Variants in CXCL13 observed in about 807,000 individuals in gnomAD.
The protein encoded by CXCL13 is C-X-C motif chemokine ligand 13.
In CXCL13, 7 loss-of-function variants were observed where a neutral mutation model predicts 12.2. The observed-to-expected ratio is 0.57, with a 90% CI of 0.33 to 1.07. The LOEUF (loss-of-function observed/expected upper bound fraction) is 1.07. Among genes scored for constraint, CXCL13 ranks in the 50% least tolerant of loss-of-function variants. The pLI is 0.04. For missense variants in CXCL13, 113 were observed against 127.4 expected, an observed-to-expected ratio of 0.89 and a Z score of 0.55; for synonymous variants, 47 against 42.4, an observed-to-expected ratio of 1.11 and a Z score of -0.42.
chr4:77,557,600 C>G (rs758740014), intron 1 of CXCL13, among the ~76,000 whole-genome samples: 5 of 152,204 alleles, frequency 3.3e-5, no homozygotes, highest in Non-Finnish European at 7.3e-5. Context: ...TTTGTCCTTG[C>G]ATTAAGATAA....
At chr4:77,539,799 A>T (rs932368697) in intron 1 of CXCL13, among the ~76,000 whole-genome samples, 1 of 152,132 alleles carries the variant, frequency 6.6e-6, no homozygotes, top group Admixed American at 6.6e-5. Context: ...TTTCAGCGAG[A>T]CAGTTAACAA....
At chr4:77,585,096 C>T (rs948713076) in intron 1 of CXCL13, among the ~76,000 whole-genome samples, 1 of 152,150 alleles carries the variant, frequency 6.6e-6, no homozygotes, top group Non-Finnish European at 1.5e-5. Context: ...AAATCACACA[C>T]GTCTGGCCAC....
chr4:77,533,447 G>A (rs1220789416), intron 1 of CXCL13, among the ~76,000 whole-genome samples: 3 of 152,206 alleles, frequency 2.0e-5, no homozygotes, highest in Non-Finnish European at 4.4e-5. Context: ...TGCCCCTACT[G>A]GGAGGTGCCT....
At chr4:77,553,478 A>T (rs766758556) in intron 1 of CXCL13, among the ~76,000 whole-genome samples, 12 of 152,202 alleles carry the variant, frequency 7.9e-5, no homozygotes, top group Non-Finnish European at 1.3e-4. Flanking sequence ...AGCACCTTCA[A>T]GCCTTTCCCC....
At chr4:77,519,099 G>T (rs1724505951) in intron 1 of CXCL13, among the ~76,000 whole-genome samples, 1 of 152,210 alleles carries the variant, frequency 6.6e-6, no homozygotes, top group African/African-American at 2.4e-5. Context: ...GGTGTCTGCA[G>T]AGCAGTGGTT....
At chr4:77,561,470 G>A (rs1000773130) in intron 1 of CXCL13, among the ~76,000 whole-genome samples, 6 of 152,202 alleles carry the variant, frequency 3.9e-5, no homozygotes, top group Admixed American at 2.0e-4. Context: ...AGTCCTGAAG[G>A]TGCTATTTCT....
intron 1 of CXCL13, among the ~76,000 whole-genome samples, chr4:77,590,940 T>C (rs766767750): frequency 3.9e-5 from 6 of 152,202 alleles, no homozygotes; most frequent in African/African-American, 1.2e-4. Flanking sequence ...AATGCAGTAG[T>C]GTTACCTTGG....
intron 1 of CXCL13, among the ~76,000 whole-genome samples, chr4:77,537,501 G>A (rs1216773174): frequency 6.6e-6 from 1 of 152,022 alleles, no homozygotes; most frequent in Admixed American, 6.5e-5. Flanking sequence ...GCAGAGAATA[G>A]GTCTGGAGGG....
intron 1 of CXCL13, among the ~76,000 whole-genome samples, chr4:77,588,906 A>G (rs1035587255): frequency 6.6e-6 from 1 of 152,158 alleles, no homozygotes; most frequent in Non-Finnish European, 1.5e-5. Context: ...AGGATAGAAA[A>G]TTTCCTTTTA....
At chr4:77,536,029 C>T (rs1725050871) in intron 1 of CXCL13, among the ~76,000 whole-genome samples, 1 of 151,970 alleles carries the variant, frequency 6.6e-6, no homozygotes, top group Non-Finnish European at 1.5e-5. Context: ...GAATAAACAC[C>T]CTAACCTCAC....
intron 1 of CXCL13, among the ~76,000 whole-genome samples, chr4:77,528,109 T>C (rs1265214999): frequency 6.6e-6 from 1 of 152,238 alleles, no homozygotes; most frequent in Non-Finnish European, 1.5e-5. Context: ...GAACATGAAC[T>C]CATCCTTTTT....
chr4:77,540,854 G>T (rs927065905), intron 1 of CXCL13, among the ~76,000 whole-genome samples: 8 of 152,168 alleles, frequency 5.3e-5, no homozygotes, highest in African/African-American at 1.9e-4. Flanking sequence ...CACAGAGGCT[G>T]CACTAATTTA....
At chr4:77,543,379 G>C (rs575215945) in intron 1 of CXCL13, among the ~76,000 whole-genome samples, 2 of 152,014 alleles carry the variant, frequency 1.3e-5, no homozygotes, top group African/African-American at 4.8e-5. Flanking sequence ...TCTGAGTTTA[G>C]TTCTTTTCTT....
intron 1 of CXCL13, among the ~76,000 whole-genome samples, chr4:77,515,124 C>A (rs1473411167): frequency 6.6e-6 from 1 of 152,024 alleles, no homozygotes; most frequent in Non-Finnish European, 1.5e-5. Flanking sequence ...TGTAGATATG[C>A]GGAGTTATTT....
At chr4:77,605,988 C>T in intron 1 of CXCL13, 59 bp downstream of exon 1, 1 of 1,258,100 alleles carries the variant, frequency 7.9e-7, no homozygotes, top group Non-Finnish European at 1.1e-6. Flanking sequence ...TTAACCACTT[C>T]AATTTTCTTT....
At chr4:77,586,584 G>T (rs1303698765) in intron 1 of CXCL13, among the ~76,000 whole-genome samples, 1 of 152,122 alleles carries the variant, frequency 6.6e-6, no homozygotes, top group Non-Finnish European at 1.5e-5. Context: ...AAAGGACATG[G>T]GTATTACCTC....
At chr4:77,537,410 C>G (rs1725085668) in intron 1 of CXCL13, among the ~76,000 whole-genome samples, 1 of 152,154 alleles carries the variant, frequency 6.6e-6, no homozygotes, top group Non-Finnish European at 1.5e-5. Flanking sequence ...AGCTTGTTGT[C>G]AGAGCTCCCT....
intron 1 of CXCL13, among the ~76,000 whole-genome samples, chr4:77,536,835 A>T (rs1014264997): frequency 2.6e-5 from 4 of 152,208 alleles, no homozygotes; most frequent in Non-Finnish European, 4.4e-5. Context: ...GGATAGAAAA[A>T]GGTTCAAGAG....
At position 77,611,608 on chromosome 4, in the gene CXCL13, G is replaced by A. The variant is rs954140403; in HGVS notation, c.*569G>A. The A allele has an allele frequency of 5.0e-6, 2 of 398,330 alleles. No homozygotes were observed. The highest frequency in any genetic ancestry group is 4.1e-5 in the African/African-American group (2 of 48,574). 24.7% of individuals were successfully genotyped at this position (398,330 alleles called of 1,614,324 possible). A position where few individuals can be genotyped will look rare whatever the true frequency, so the allele number is the denominator to read the frequency against. Reference sequence around the variant, plus strand: ...TAAAATTTACTGTCTAAGATTAATAGCATTCGAAGATCCCCAGACTTCATA... The same window carrying A: ...TAAAATTTACTGTCTAAGATTAATAACATTCGAAGATCCCCAGACTTCATA... On this transcript the variant is annotated 3_prime_UTR_variant, in exon 4 of 4. Coordinates refer to ENST00000682537, the MANE Select transcript of CXCL13 (RefSeq NM_001371558.1).
Sources: gnomAD v4.1 joint callset for allele counts (sites outside exome capture counted in the v4.1 genomes callset) on GRCh38, gnomAD v4.1.1 for gene constraint, MANE v1.5 for transcripts, NCBI Gene and HGNC (gene_info 2026-07-23, HGNC 2026-07-21) for gene names.